The following TENM3 variants were observed in gnomAD, a reference collection of about 807,000 sequenced individuals.
TENM3 encodes the protein teneurin transmembrane protein 3, also known as teneurin-3.
In TENM3, 63 loss-of-function variants were observed where a neutral mutation model predicts 255.1. That is an observed-to-expected ratio of 0.25 (90% CI 0.20 to 0.30). The LOEUF (loss-of-function observed/expected upper bound fraction) is 0.30. TENM3 is among the 10% of genes least tolerant of loss of function. The pLI, the probability that TENM3 is intolerant of heterozygous loss-of-function variation, is 1.00. For missense variants in TENM3, 2,929 were observed against 3,461.1 expected (o/e 0.85, Z 3.86); for synonymous variants, 1,306 against 1,322.3 (o/e 0.99, Z 0.27).
chr4:182,156,455 C>T (rs1214451728), intron 1 of TENM3, among the ~76,000 whole-genome samples: 3 of 152,020 alleles, frequency 2.0e-5, no homozygotes, highest in African/African-American at 7.2e-5. Context: ...GATCTCGTCA[C>T]CCGGGCAGTG....
At position 182,586,286 on chromosome 4, in the gene TENM3, C is replaced by T. The variant is rs554500791; in HGVS notation, c.512-14638C>T. Among the ~76,000 whole-genome samples the T allele has an allele frequency of 1.4e-3, 214 of 152,270 alleles. 1 individual carries two copies. The highest frequency in any genetic ancestry group is 4.9e-3 in the African/African-American group (202 of 41,550). On this transcript the variant is annotated intron_variant, in intron 3 of 27. Transcript: ENST00000511685. ...AGGCACAAAAAAGCCTTAGAAAATA[C>T]AGATTATTAATTTCCCAAACAATTA...
chr4:182,009,104 TCTC>T, the TENM3 span, among the ~76,000 whole-genome samples: 9 of 152,072 alleles, frequency 5.9e-5, no homozygotes, highest in Admixed American at 3.3e-4. Context: ...AAGATGGGTA[TCTC>T]CTCCTTCTTC....
the TENM3 span, among the ~76,000 whole-genome samples, chr4:181,449,353 A>G: frequency 1.3e-5 from 2 of 152,260 alleles, no homozygotes; most frequent in East Asian, 3.9e-4. Flanking sequence ...CTGTCTGTCA[A>G]TTTGGAATAG....
chr4:182,120,032 C>T, the TENM3 span, among the ~76,000 whole-genome samples: 1 of 151,910 alleles, frequency 6.6e-6, no homozygotes, highest in Non-Finnish European at 1.5e-5. Flanking sequence ...ACATAATCTA[C>T]AAATTGTGAG....
At chr4:181,814,690 G>A in the TENM3 span, among the ~76,000 whole-genome samples, 4 of 151,760 alleles carry the variant, frequency 2.6e-5, no homozygotes, top group African/African-American at 9.7e-5. Context: ...GATTTGACAG[G>A]CAACTTTTCC....
intron 3 of TENM3, among the ~76,000 whole-genome samples, chr4:182,542,704 G>A (rs1741007761): frequency 6.6e-6 from 1 of 151,946 alleles, no homozygotes; most frequent in African/African-American, 2.4e-5. Context: ...GTCAAGTTTC[G>A]GATTCACCTT....
chr4:181,634,636 C>G, the TENM3 span, among the ~76,000 whole-genome samples: 2 of 152,238 alleles, frequency 1.3e-5, no homozygotes, highest in South Asian at 4.1e-4. Context: ...CTCTATTGCT[C>G]TTTCAGATTA....
the TENM3 span, among the ~76,000 whole-genome samples, chr4:181,786,259 G>A: frequency 7.0e-4 from 106 of 152,272 alleles, 2 homozygotes; most frequent in East Asian, 0.016. Context: ...TGTAAAGGCC[G>A]AAGGAAAACA....
At chr4:182,003,498 A>C in the TENM3 span, among the ~76,000 whole-genome samples, 1 of 152,140 alleles carries the variant, frequency 6.6e-6, no homozygotes. Context: ...AATTATAAGA[A>C]TATATTTAAA....
chr4:182,187,883 A>G (rs1327232124), intron 1 of TENM3, among the ~76,000 whole-genome samples: 1 of 152,166 alleles, frequency 6.6e-6, no homozygotes, highest in Non-Finnish European at 1.5e-5. Context: ...TGGCCACTTT[A>G]GATCCATAAA....
chr4:182,042,872 CGT>C, the TENM3 span, among the ~76,000 whole-genome samples: 113 of 48,706 alleles, frequency 2.3e-3, 1 homozygote, highest in African/African-American at 7.6e-3. Context: ...AACAAGTTAT[CGT>C]GTGTGCGTGT....
At chr4:181,614,913 G>A in the TENM3 span, among the ~76,000 whole-genome samples, 26 of 152,308 alleles carry the variant, frequency 1.7e-4, no homozygotes, top group African/African-American at 6.0e-4. Flanking sequence ...GGGAAGATCC[G>A]AGAAAGGCTG....
At chr4:182,104,772 C>A in the TENM3 span, among the ~76,000 whole-genome samples, 2 of 151,994 alleles carry the variant, frequency 1.3e-5, no homozygotes, top group Non-Finnish European at 2.9e-5. Context: ...CCTTGGCCTC[C>A]CAAAGTGCTG....
chr4:181,658,193 G>A, the TENM3 span, among the ~76,000 whole-genome samples: 115 of 152,206 alleles, frequency 7.6e-4, 1 homozygote, highest in African/African-American at 2.7e-3. Context: ...AAGGTCACTA[G>A]AAAAAAAGAA....
the TENM3 span, among the ~76,000 whole-genome samples, chr4:182,021,107 T>A: frequency 6.6e-6 from 1 of 152,146 alleles, no homozygotes; most frequent in Non-Finnish European, 1.5e-5. Context: ...ACTATTCCCA[T>A]CTTCATGTTT....
chr4:182,695,855 A>G (rs978196410), intron 12 of TENM3, among the ~76,000 whole-genome samples: 61 of 152,372 alleles, frequency 4.0e-4, no homozygotes, highest in African/African-American at 1.4e-3. Context: ...AACATGCCAT[A>G]GCTTTTTCTT....
At chr4:182,371,921 G>C (rs181564562) in intron 3 of TENM3, among the ~76,000 whole-genome samples, 1 of 152,178 alleles carries the variant, frequency 6.6e-6, no homozygotes, top group Non-Finnish European at 1.5e-5. Flanking sequence ...ACTTTAAAGA[G>C]ATCTAGGTTT....
chr4:181,765,648 C>T, the TENM3 span, among the ~76,000 whole-genome samples: 1 of 152,132 alleles, frequency 6.6e-6, no homozygotes, highest in Non-Finnish European at 1.5e-5. Context: ...TACTGCTAAG[C>T]TTCCCTTCGG....
At chr4:181,801,363 T>G in the TENM3 span, among the ~76,000 whole-genome samples, 1 of 152,134 alleles carries the variant, frequency 6.6e-6, no homozygotes, top group Non-Finnish European at 1.5e-5. Flanking sequence ...ACTATTGTAT[T>G]GCCTGCATTT....
Sources: allele counts gnomAD v4.1 joint callset (sites outside exome capture counted in the v4.1 genomes callset), GRCh38; gene constraint gnomAD v4.1.1; transcripts MANE v1.5; gene names NCBI Gene and HGNC (gene_info 2026-07-23, HGNC 2026-07-21).